Variants in PSTPIP1 observed in about 807,000 individuals in gnomAD.
PSTPIP1 encodes the protein proline-serine-threonine phosphatase interacting protein 1.
In PSTPIP1, 66 loss-of-function variants were observed where a neutral mutation model predicts 69.6. The observed-to-expected ratio is 0.95, with a 90% CI of 0.78 to 1.16. The LOEUF (loss-of-function observed/expected upper bound fraction) is 1.16, where lower values mean the gene tolerates loss of function less well. Ranked by LOEUF, PSTPIP1 falls within the 50% of genes most tolerant of loss-of-function variation. The pLI is 0.00. For missense variants in PSTPIP1, 603 were observed against 557.4 expected (o/e 1.08, Z -0.82); for synonymous variants, 266 against 222.7 (o/e 1.19, Z -1.73).
rs2076539850 is a variant in PSTPIP1, at chr15:77,035,528, G to GAAGT, written c.951_954dup (p.Pro319LysfsTer25). The GAAGT allele has an allele frequency of 1.9e-6, 3 of 1,592,422 alleles. No homozygotes were observed. Among genetic ancestry groups the GAAGT allele is most frequent in the Admixed American group, 1.8e-5 (1 of 56,974 alleles). ...CCCAGGTTCTCTGGACTGCTGCACG[G>GAAGT]AAGTCCCAAGACCACTTCGTTGGCA... On this transcript the variant is annotated frameshift_variant, in exon 13 of 15. Coordinates refer to ENST00000558012, the MANE Select transcript of PSTPIP1 (RefSeq NM_003978.5). LOFTEE classifies it high-confidence loss of function.
chr15:77,028,492 A>C, intron 6 of PSTPIP1, 62 bp from the exon 7 acceptor site: 1 of 1,377,402 alleles, frequency 7.3e-7, no homozygotes, highest in Non-Finnish European at 9.8e-7. Context: ...AGGGAGCCTC[A>C]CTCCCGGGGA....
intron 3 of PSTPIP1, among the ~76,000 whole-genome samples, chr15:77,022,054 T>A (rs2076171351): frequency 6.6e-6 from 1 of 152,236 alleles, no homozygotes; most frequent in East Asian, 1.9e-4. Flanking sequence ...GGGTGCAAGT[T>A]TGAATCCTCA....
intron 10 of PSTPIP1, 83 bp from the exon 11 acceptor site, chr15:77,032,215 G>A: frequency 7.1e-7 from 1 of 1,410,686 alleles, no homozygotes. Flanking sequence ...GAGGCCGGTG[G>A]GTGGGGGCCG....
chr15:77,016,618 G>A (rs1445946407), intron 1 of PSTPIP1, among the ~76,000 whole-genome samples: 1 of 152,046 alleles, frequency 6.6e-6, no homozygotes, highest in African/African-American at 2.4e-5. Flanking sequence ...GATGCTTATG[G>A]AGGGGGTAGG....
rs1386908747 is a variant in PSTPIP1 at position 77,020,568 on chromosome 15, A to G, written c.212+2037A>G. ...GTCACCATTTAATTGAGGACCTACT[A>G]TGTGCCATGCCCTGGATGGGTCAGG... On this transcript the variant is annotated intron_variant, in intron 3 of 14. Transcript: ENST00000558012. Among the ~76,000 whole-genome samples, 3 of 152,116 alleles carry G rather than the reference A, an allele frequency of 2.0e-5. No homozygotes were observed. The East Asian group carries it at 5.8e-4, about 29-fold the overall frequency.
intron 3 of PSTPIP1, among the ~76,000 whole-genome samples, chr15:77,022,795 G>A (rs2076188187): frequency 6.6e-6 from 1 of 152,242 alleles, no homozygotes; most frequent in Non-Finnish European, 1.5e-5. Flanking sequence ...CAGCAACGGG[G>A]ACAGGGGACC....
intron 7 of PSTPIP1, 70 bp downstream of exon 7, chr15:77,028,722 C>T (rs915978618): frequency 4.8e-6 from 6 of 1,258,296 alleles, no homozygotes; most frequent in South Asian, 1.5e-5. Flanking sequence ...GGAAGGGGTG[C>T]CGTAGACACC....
intron 3 of PSTPIP1, among the ~76,000 whole-genome samples, chr15:77,021,080 G>A (rs2076151689): frequency 6.6e-6 from 1 of 152,172 alleles, no homozygotes; most frequent in South Asian, 2.1e-4. Context: ...CTAGGAACAG[G>A]GTGCAGAACG....
At chr15:77,032,511 C>CTTCTCTGCCCTGA in intron 11 of PSTPIP1, 117 bp downstream of exon 11, 1 of 1,100,898 alleles carries the variant, frequency 9.1e-7, no homozygotes, top group Non-Finnish European at 1.3e-6. Context: ...CCCTTCAGGG[C>CTTCTCTGCCCTGA]AGAGAAGCCC....
At chr15:77,022,858 C>A (rs946495050) in intron 3 of PSTPIP1, among the ~76,000 whole-genome samples, 1 of 152,170 alleles carries the variant, frequency 6.6e-6, no homozygotes, top group African/African-American at 2.4e-5. Context: ...CTGGAGGGGC[C>A]AAAGCCTGCC....
At position 77,008,558 on chromosome 15, in the gene PSTPIP1, C is replaced by T. The variant is rs535062164; in HGVS notation, c.37-9590C>T. Reference sequence around the variant, plus strand: ...CCGAGTAGCTGGGATTACAGGTGCCCGCCACCACACCCGGCTAATTTTTGT... The same window carrying T: ...CCGAGTAGCTGGGATTACAGGTGCCTGCCACCACACCCGGCTAATTTTTGT... On this transcript the variant is annotated intron_variant, in intron 1 of 14. Coordinates refer to ENST00000558012, the MANE Select transcript of PSTPIP1 (RefSeq NM_003978.5). Among the ~76,000 whole-genome samples the T allele has an allele frequency of 9.2e-5, 14 of 152,192 alleles. 1 individual carries two copies. The South Asian group carries it at 2.7e-3, about 29-fold the overall frequency.
intron 1 of PSTPIP1, among the ~76,000 whole-genome samples, chr15:77,000,479 A>ATATATATATATATATG (rs1568482008): frequency 2.0e-5 from 3 of 148,862 alleles, no homozygotes; most frequent in African/African-American, 7.6e-5. Flanking sequence ...ATATATATAC[A>ATATATATATATATATG]CACACACACA....
intron 7 of PSTPIP1, 48 bp downstream of exon 7, chr15:77,028,700 T>TG (rs1222411239): frequency 1.4e-6 from 2 of 1,436,052 alleles, no homozygotes; most frequent in East Asian, 5.4e-5. Flanking sequence ...CTGGGGGCAG[T>TG]GGGGGAGGCA....
At chr15:77,035,589 C>T (rs753366207) in intron 13 of PSTPIP1, 26 bp downstream of exon 13, 3 of 1,562,016 alleles carry the variant, frequency 1.9e-6, no homozygotes, top group Non-Finnish European at 2.6e-6. Context: ...AGGGGACCCC[C>T]AAACACACTG....
chr15:77,002,046 C>A (rs944066611), intron 1 of PSTPIP1, among the ~76,000 whole-genome samples: 2 of 152,232 alleles, frequency 1.3e-5, no homozygotes, highest in Non-Finnish European at 2.9e-5. Flanking sequence ...TTCCCTGAAT[C>A]CCAGCTACTT....
At chr15:77,006,317 T>G (rs1351777884) in intron 1 of PSTPIP1, among the ~76,000 whole-genome samples, 1 of 152,218 alleles carries the variant, frequency 6.6e-6, no homozygotes, top group Non-Finnish European at 1.5e-5. Flanking sequence ...ATTGGTTGTC[T>G]TTTTATTGTT....
At chr15:77,007,788 G>T (rs2075845852) in intron 1 of PSTPIP1, 1 of 399,678 alleles carries the variant, frequency 2.5e-6, no homozygotes, top group Non-Finnish European at 5.0e-6. Context: ...GTAGAGACGG[G>T]GTTTCACTGG....
At chr15:77,034,943 C>T (rs2076520383) in intron 12 of PSTPIP1, among the ~76,000 whole-genome samples, 1 of 152,272 alleles carries the variant, frequency 6.6e-6, no homozygotes, top group African/African-American at 2.4e-5. Flanking sequence ...CCCGGAACTC[C>T]TGTGAACAGG....
At chr15:77,022,073 C>G (rs544544908) in intron 3 of PSTPIP1, among the ~76,000 whole-genome samples, 2 of 152,380 alleles carry the variant, frequency 1.3e-5, no homozygotes, top group South Asian at 4.1e-4. Flanking sequence ...CACGTCCCTG[C>G]CTCACCCCCA....
Sources: allele counts gnomAD v4.1 joint callset (sites outside exome capture counted in the v4.1 genomes callset), GRCh38; gene constraint gnomAD v4.1.1; transcripts MANE v1.5; gene names NCBI Gene and HGNC (gene_info 2026-07-23, HGNC 2026-07-21).